Variants in ARHGAP26 observed in about 807,000 individuals in gnomAD.
ARHGAP26 encodes Rho GTPase activating protein 26.
A neutral mutation model predicts 104.8 loss-of-function variants in ARHGAP26; 38 were observed. The observed-to-expected ratio is 0.36, with a 90% confidence interval of 0.28 to 0.48. ARHGAP26 has a LOEUF of 0.48. Ranked by LOEUF, ARHGAP26 falls within the 20% of genes least tolerant of loss-of-function variation. The pLI is 0.99. For synonymous variants in ARHGAP26, 341 were observed against 340.0 expected (o/e 1.00, Z -0.03); for missense variants, 704 against 947.9 (o/e 0.74, Z 3.38).
intron 1 of ARHGAP26, among the ~76,000 whole-genome samples, chr5:142,789,446 T>C (rs1467730807): frequency 6.6e-6 from 1 of 152,174 alleles, no homozygotes; most frequent in Non-Finnish European, 1.5e-5. Context: ...GATTCTGCAA[T>C]CTTTTCTGGA....
chr5:143,005,398 T>C (rs888288819), intron 11 of ARHGAP26, among the ~76,000 whole-genome samples: 8 of 152,188 alleles, frequency 5.3e-5, no homozygotes, highest in Admixed American at 3.3e-4. Context: ...AATGAGTGAG[T>C]GTCATCGGCT....
chr5:142,816,216 C>T (rs1053175449), intron 1 of ARHGAP26, among the ~76,000 whole-genome samples: 1 of 152,134 alleles, frequency 6.6e-6, no homozygotes, highest in Non-Finnish European at 1.5e-5. Context: ...ATGGAAAGCC[C>T]ATGAGGGTAG....
At chr5:142,863,350 G>A (rs6875031) in intron 1 of ARHGAP26, among the ~76,000 whole-genome samples, 2 of 151,958 alleles carry the variant, frequency 1.3e-5, no homozygotes, top group Non-Finnish European at 2.9e-5. Flanking sequence ...CTCGTGATCC[G>A]CCCACCTCGG....
At chr5:143,072,332 T>C (rs1162736729) in intron 17 of ARHGAP26, among the ~76,000 whole-genome samples, 1 of 152,186 alleles carries the variant, frequency 6.6e-6, no homozygotes, top group East Asian at 1.9e-4. Context: ...ACAGCCACTG[T>C]GGAAAGCAGT....
intron 22 of ARHGAP26, among the ~76,000 whole-genome samples, chr5:143,214,955 CGA>C (rs1455195361): frequency 2.0e-5 from 3 of 152,226 alleles, no homozygotes; most frequent in Admixed American, 6.5e-5. Context: ...TCAAAATGCA[CGA>C]ACAGCCAGCC....
intron 1 of ARHGAP26, among the ~76,000 whole-genome samples, chr5:142,786,014 G>C (rs1758542461): frequency 6.8e-6 from 1 of 148,086 alleles, no homozygotes; most frequent in Non-Finnish European, 1.5e-5. Context: ...GTCTTGTCTT[G>C]TCACCCAGTG....
chr5:143,091,900 AT>A (rs1289407151), intron 17 of ARHGAP26, among the ~76,000 whole-genome samples: 2 of 152,236 alleles, frequency 1.3e-5, no homozygotes, highest in African/African-American at 4.8e-5. Flanking sequence ...CAAAATATAT[AT>A]TTTTAACCTT....
chr5:143,033,595 G>T (rs1782193984), intron 12 of ARHGAP26, among the ~76,000 whole-genome samples: 2 of 152,148 alleles, frequency 1.3e-5, no homozygotes, highest in South Asian at 4.1e-4. Flanking sequence ...TCAGATGCTA[G>T]GTTCTTTTCA....
intron 12 of ARHGAP26, among the ~76,000 whole-genome samples, chr5:143,029,396 T>G (rs892909711): frequency 7.0e-5 from 6 of 85,232 alleles, no homozygotes; most frequent in African/African-American, 1.7e-4. Flanking sequence ...TTCTCAGTTT[T>G]TTTTTTTTTT....
At chr5:143,214,547 A>G (rs1197856704) in intron 22 of ARHGAP26, among the ~76,000 whole-genome samples, 1 of 152,100 alleles carries the variant, frequency 6.6e-6, no homozygotes, top group Non-Finnish European at 1.5e-5. Context: ...GTTTTTCCTC[A>G]CTTTTGTCTG....
At chr5:143,139,102 C>T (rs775523341) in intron 19 of ARHGAP26, among the ~76,000 whole-genome samples, 8 of 152,114 alleles carry the variant, frequency 5.3e-5, no homozygotes, top group South Asian at 2.1e-4. Flanking sequence ...TTCAGCTGGG[C>T]ATCTGCCGGT....
chr5:143,107,208 G>A (rs1794144738), intron 17 of ARHGAP26, among the ~76,000 whole-genome samples: 1 of 152,168 alleles, frequency 6.6e-6, no homozygotes, highest in Non-Finnish European at 1.5e-5. Flanking sequence ...GAAGGCCAGG[G>A]TAGTTAGAGC....
rs2276991 is a variant in ARHGAP26, at chr5:142,770,967, G to C, written c.154+52G>C. Reference sequence around the variant, plus strand: ...GCGGCTCCGGGGCGGGAGGAACTGGGAGGTGGCGCTTAGCCCGGGTTGCCC... The same window carrying C: ...GCGGCTCCGGGGCGGGAGGAACTGGCAGGTGGCGCTTAGCCCGGGTTGCCC... On this transcript the variant is annotated intron_variant, in intron 1 of 22. Transcript: ENST00000645722. 3.0e-4 allele frequency: 470 copies of C among 1,545,332 alleles called. 7 individuals carry two copies. In the East Asian group the frequency reaches 0.012, roughly 39 times the overall value.
intron 1 of ARHGAP26, among the ~76,000 whole-genome samples, chr5:142,870,124 C>A (rs931725164): frequency 6.6e-6 from 1 of 152,212 alleles, no homozygotes; most frequent in Non-Finnish European, 1.5e-5. Context: ...CTTGCACTGC[C>A]TGCACATGAA....
intron 12 of ARHGAP26, among the ~76,000 whole-genome samples, chr5:143,016,470 C>T (rs1363089923): frequency 1.3e-5 from 2 of 151,912 alleles, no homozygotes; most frequent in African/African-American, 2.4e-5. Flanking sequence ...TTTGGGAGGC[C>T]GAGGCGGGCG....
intron 12 of ARHGAP26, 148 bp downstream of exon 12, chr5:143,014,264 C>T (rs748094256): frequency 3.8e-6 from 3 of 799,376 alleles, no homozygotes; most frequent in African/African-American, 1.7e-5. Flanking sequence ...GCCTCCACCC[C>T]AACTTTCCGC....
chr5:142,959,990 C>G (rs906882788), intron 11 of ARHGAP26, among the ~76,000 whole-genome samples: 3 of 152,164 alleles, frequency 2.0e-5, no homozygotes, highest in African/African-American at 7.2e-5. Flanking sequence ...TTCCAAGGGC[C>G]CAGTAATAGA....
At chr5:143,120,948 G>T (rs371236666) in intron 17 of ARHGAP26, 40 bp from the exon 18 acceptor site, 1 of 1,591,496 alleles carries the variant, frequency 6.3e-7, no homozygotes, top group Non-Finnish European at 8.6e-7. Context: ...CTGTGTACAC[G>T]ATTTGTCTCA....
At chr5:142,990,824 G>A (rs1411414682) in intron 11 of ARHGAP26, among the ~76,000 whole-genome samples, 3 of 152,156 alleles carry the variant, frequency 2.0e-5, no homozygotes, top group Non-Finnish European at 4.4e-5. Flanking sequence ...TCCTCTGGAA[G>A]CTTCATCTCA....
Sources: allele counts gnomAD v4.1 joint callset (sites outside exome capture counted in the v4.1 genomes callset), GRCh38; gene constraint gnomAD v4.1.1; transcripts MANE v1.5; gene names NCBI Gene and HGNC (gene_info 2026-07-23, HGNC 2026-07-21).